Variants in ENKUR observed in about 807,000 individuals in gnomAD.
ENKUR encodes the protein enkurin.
In ENKUR, 19 loss-of-function variants were observed where a neutral mutation model predicts 27.6. The observed-to-expected ratio is 0.69, with a 90% CI of 0.48 to 1.01. The LOEUF (loss-of-function observed/expected upper bound fraction) is 1.01. ENKUR is among the 50% of genes least tolerant of loss of function. The pLI is 0.00. For missense variants in ENKUR, 312 were observed against 310.5 expected, an observed-to-expected ratio of 1.00 and a Z score of -0.04; for synonymous variants, 117 against 96.9, an observed-to-expected ratio of 1.21 and a Z score of -1.22.
At chr10:25,034,429 A>G (rs1850978299) in intron 2 of ENKUR, among the ~76,000 whole-genome samples, 1 of 152,202 alleles carries the variant, frequency 6.6e-6, no homozygotes, top group Non-Finnish European at 1.5e-5. Flanking sequence ...TAGTATTTCT[A>G]CTGGGTTGAG....
chr10:25,015,528 GATTT>G (rs1168256426), intron 1 of ENKUR, among the ~76,000 whole-genome samples: 3 of 152,030 alleles, frequency 2.0e-5, no homozygotes, highest in Non-Finnish European at 4.4e-5. Context: ...ATAGAATTGT[GATTT>G]TTTTCTTTTC....
intron 1 of ENKUR, among the ~76,000 whole-genome samples, chr10:25,006,669 T>TTG (rs1375833959): frequency 1.3e-5 from 2 of 152,212 alleles, no homozygotes; most frequent in Non-Finnish European, 2.9e-5. Flanking sequence ...TAGAACAAGG[T>TTG]TGTGTATAAA....
At chr10:24,986,626 T>G (rs1035086283) in intron 4 of ENKUR, among the ~76,000 whole-genome samples, 1 of 152,196 alleles carries the variant, frequency 6.6e-6, no homozygotes, top group Non-Finnish European at 1.5e-5. Context: ...AGTTGGGTGA[T>G]GTTTCCATAT....
chr10:25,012,362 C>T (rs1443098500), intron 1 of ENKUR, among the ~76,000 whole-genome samples: 1 of 152,188 alleles, frequency 6.6e-6, no homozygotes, highest in African/African-American at 2.4e-5. Flanking sequence ...GTTCTCCAGA[C>T]CTCAGAATGG....
intron 2 of ENKUR, among the ~76,000 whole-genome samples, chr10:25,051,943 C>A (rs1488568293): frequency 1.3e-5 from 2 of 152,144 alleles, no homozygotes; most frequent in African/African-American, 4.8e-5. Flanking sequence ...TGGCTTGTAG[C>A]CATATCTGCA....
chr10:24,984,796 T>C lies in ENKUR; in HGVS notation c.704A>G (p.Lys235Arg). Reference sequence around the variant, plus strand: ...TATGCCAATGTCGTGTTCTAGTTGTTTCATTTCTTCTTCCAGCCTCTGCTT... The same window carrying C: ...TATGCCAATGTCGTGTTCTAGTTGTCTCATTTCTTCTTCCAGCCTCTGCTT... ...IRKQRLEEEM[K>R]QLEHDIGIIE... The change falls in exon 5 of 6, where the codon AAA (lysine) becomes AGA (arginine). Residue 235 changes from lysine to arginine, a missense_variant. Physicochemically the swap from Lys to Arg is conservative, Grantham distance 26 (BLOSUM62 2). Coordinates refer to ENST00000331161, the MANE Select transcript of ENKUR (RefSeq NM_145010.4). 6.2e-7 allele frequency: 1 copy of C among 1,613,956 alleles called. No homozygotes were observed. The highest frequency in any genetic ancestry group is 8.5e-7 in the Non-Finnish European group (1 of 1,179,958).
chr10:24,987,082 A>C (rs1260348471), intron 4 of ENKUR, among the ~76,000 whole-genome samples: 1 of 152,194 alleles, frequency 6.6e-6, no homozygotes, highest in African/African-American at 2.4e-5. Context: ...CAGCCACAGA[A>C]GGCCCTGGAG....
chr10:24,986,634 T>C (rs1849786461), intron 4 of ENKUR, among the ~76,000 whole-genome samples: 1 of 152,216 alleles, frequency 6.6e-6, no homozygotes, highest in Non-Finnish European at 1.5e-5. Flanking sequence ...GATGTTTCCA[T>C]ATTACTTGCA....
chr10:24,987,939 G>A lies in ENKUR; in HGVS notation c.594+2524C>T, dbSNP rs1001224421. On this transcript the variant is annotated intron_variant, in intron 4 of 5. Transcript: ENST00000331161. The stretch of plus-strand genomic sequence containing the variant: ...GGGCCCACAATGTATTTGTATTAAC[G>A]GCTGGGCAGATTGGCTCACGCCTGT... Among the ~76,000 whole-genome samples the A allele has an allele frequency of 1.1e-4, 17 of 152,012 alleles. 1 individual carries two copies. The East Asian group carries it at 3.1e-3, about 28-fold the overall frequency.
intron 2 of ENKUR, among the ~76,000 whole-genome samples, chr10:25,033,223 A>T (rs796204597): frequency 6.6e-6 from 1 of 151,928 alleles, no homozygotes; most frequent in African/African-American, 2.4e-5. Context: ...CCTGGTTAAC[A>T]TAGGGAGACC....
intron 1 of ENKUR, among the ~76,000 whole-genome samples, chr10:25,005,906 C>A (rs1564341637): frequency 6.6e-6 from 1 of 152,184 alleles, no homozygotes; most frequent in African/African-American, 2.4e-5. Context: ...ATGTATTCAT[C>A]TACATCTGTG....
At chr10:24,987,265 C>G (rs910383378) in intron 4 of ENKUR, among the ~76,000 whole-genome samples, 4 of 152,172 alleles carry the variant, frequency 2.6e-5, no homozygotes, top group Non-Finnish European at 5.9e-5. Flanking sequence ...TGGTAAATTC[C>G]TACTGTCCCT....
chr10:24,987,411 A>C (rs1055660350), intron 4 of ENKUR, among the ~76,000 whole-genome samples: 5 of 151,918 alleles, frequency 3.3e-5, no homozygotes, highest in African/African-American at 1.2e-4. Context: ...CTGAGGGAGG[A>C]GGATTGCTTG....
chr10:25,020,276 A>ATATCTGTATCTATATC (rs58705370), upstream of ENKUR, among the ~76,000 whole-genome samples: 1 of 149,428 alleles, frequency 6.7e-6, no homozygotes, highest in Non-Finnish European at 1.5e-5. Flanking sequence ...ATCTATATCT[A>ATATCTGTATCTATATC]TATATATCTA....
intron 2 of ENKUR, among the ~76,000 whole-genome samples, chr10:24,997,563 ATT>A: frequency 6.6e-6 from 1 of 151,680 alleles, no homozygotes; most frequent in Non-Finnish European, 1.5e-5. Context: ...ATTAAAAAAA[ATT>A]TTTTATAGAG....
chr10:24,998,284 TTTTC>T, intron 2 of ENKUR, among the ~76,000 whole-genome samples: 1 of 151,852 alleles, frequency 6.6e-6, no homozygotes, highest in Middle Eastern at 3.4e-3. Context: ...TTTTCTTTTC[TTTTC>T]TTTTCTTCTC....
chr10:25,001,534 T>C (rs185140962), intron 1 of ENKUR, among the ~76,000 whole-genome samples: 72 of 152,286 alleles, frequency 4.7e-4, no homozygotes, highest in Non-Finnish European at 8.5e-4. Context: ...TCAAGCCTCA[T>C]TGATTCTCTG....
intron 1 of ENKUR, among the ~76,000 whole-genome samples, chr10:25,008,034 A>G (rs971638205): frequency 6.7e-6 from 1 of 149,796 alleles, no homozygotes; most frequent in African/African-American, 2.4e-5. Context: ...ATATATAAGC[A>G]TGAGAAGGGC....
intron 2 of ENKUR, among the ~76,000 whole-genome samples, chr10:25,046,097 C>T (rs1408953792): frequency 1.3e-5 from 2 of 152,064 alleles, no homozygotes; most frequent in Non-Finnish European, 2.9e-5. Flanking sequence ...AAAAACCAAA[C>T]TGCAAGAGGA....
Sources: gnomAD v4.1 joint callset for allele counts (sites outside exome capture counted in the v4.1 genomes callset) on GRCh38, gnomAD v4.1.1 for gene constraint, MANE v1.5 for transcripts, NCBI Gene and HGNC (gene_info 2026-07-23, HGNC 2026-07-21) for gene names.